Variants in CENPC observed in about 807,000 individuals in gnomAD.
CENPC encodes the protein CENP-C 1.
A neutral mutation model predicts 112.1 loss-of-function variants in CENPC; 63 were observed. The ratio of observed to expected loss-of-function variants is 0.56; its 90% CI spans 0.46 to 0.69. The LOEUF is 0.69. Among genes scored for constraint, CENPC ranks in the 30% least tolerant of loss-of-function variants. The probability of loss-of-function intolerance (pLI) is 0.00; values close to 1 mark genes in which losing one functional copy is unlikely to be tolerated. For missense variants in CENPC, 1,000 were observed against 1,103.8 expected (o/e 0.91, Z 1.33); for synonymous variants, 333 against 367.6 (o/e 0.91, Z 1.08).
rs576181023 is a variant in CENPC, at chr4:67,514,452, T to C, written c.1066A>G (p.Lys356Glu). 2 of 1,613,584 alleles carry C rather than the reference T, an allele frequency of 1.2e-6. No homozygotes were observed. Among genetic ancestry groups the C allele is most frequent in the South Asian group, 2.2e-5 (2 of 91,060 alleles). ...GAATGTTTGTCATTTGCCAAAGTCT[T>C]AGGTAATATATTATGATGCTTTTCT... The part of the protein sequence containing the change: ...SREKHHNILP[K>E]TLANDKHSHK... The change falls in exon 8 of 19, where the codon AAG (lysine) becomes GAG (glutamate). Residue 356 changes from lysine to glutamate, a missense_variant. By Grantham distance (56) the Lys-to-Glu change is moderately conservative (BLOSUM62 1). Coordinates refer to ENST00000273853, the MANE Select transcript of CENPC (RefSeq NM_001812.4).
chr4:67,494,896 T>C (rs1196787367), intron 13 of CENPC, among the ~76,000 whole-genome samples: 1 of 152,164 alleles, frequency 6.6e-6, no homozygotes, highest in Non-Finnish European at 1.5e-5. Flanking sequence ...CCTAGCTTCA[T>C]AGCTAAGGGA....
rs2109753669 is a variant in CENPC at position 67,471,375 on chromosome 4, G to A, written c.*1230C>T. On this transcript the variant is annotated 3_prime_UTR_variant, in exon 19 of 19. Coordinates refer to ENST00000273853, the MANE Select transcript of CENPC (RefSeq NM_001812.4). ...TACAATATGCTACCTAAAATGTCCA[G>A]CTGTCAACCAAAAATTATTAGACAT... The A allele has an allele frequency of 6.6e-6, 1 of 152,048 alleles. No homozygotes were observed. Among genetic ancestry groups the A allele is most frequent in the East Asian group, 1.9e-4 (1 of 5,178 alleles). The allele number at this position is 152,048 out of a possible 1,614,324, so 9.4% of individuals were successfully genotyped here. A position where few individuals can be genotyped will look rare whatever the true frequency, so the allele number is the denominator to read the frequency against.
chr4:67,518,253 T>A lies in CENPC; in HGVS notation c.733A>T (p.Asn245Tyr), dbSNP rs759557090. The A allele has an allele frequency of 3.8e-6, 6 of 1,561,640 alleles. No homozygotes were observed. The Admixed American group carries it at 1.2e-4, about 30-fold the overall frequency. ...QERKPSGSSQ[N>Y]RIRDSEYEIQ... ...TCATATTCTGAATCTCGTATTCTAT[T>A]CTGAGATGATCCTGATGGTTTTCTT... is the stretch of plus-strand genomic sequence containing the variant. Residue 245 changes from asparagine to tyrosine, a missense_variant, in exon 7 of 19, where the codon AAT becomes TAT. Asn to Tyr is a moderately radical substitution (Grantham distance 143). Transcript: ENST00000273853.
chr4:67,532,827 C>T (rs188015802), intron 4 of CENPC, among the ~76,000 whole-genome samples: 56 of 152,274 alleles, frequency 3.7e-4, no homozygotes, highest in African/African-American at 1.3e-3. Flanking sequence ...AGCACACCAA[C>T]ATGGCACATG....
chr4:67,536,248 T>C (rs77971541), intron 4 of CENPC, among the ~76,000 whole-genome samples: 1,755 of 152,180 alleles, frequency 0.012, 14 homozygotes, highest in Middle Eastern at 0.017. Flanking sequence ...AAGAAAATTA[T>C]AAAATGTCAA....
chr4:67,539,976 T>A, intron 3 of CENPC, 42 bp from the exon 4 acceptor site: 1 of 1,002,082 alleles, frequency 1.0e-6, no homozygotes, highest in South Asian at 1.7e-5. Flanking sequence ...AGATATAGTG[T>A]AATATCTATT....
At chr4:67,494,338 T>C (rs1725372282) in intron 13 of CENPC, among the ~76,000 whole-genome samples, 1 of 152,212 alleles carries the variant, frequency 6.6e-6, no homozygotes, top group African/African-American at 2.4e-5. Context: ...GCTAAAGCTA[T>C]GCTGAAGCTA....
intron 4 of CENPC, among the ~76,000 whole-genome samples, chr4:67,536,306 G>A (rs986667701): frequency 2.0e-5 from 3 of 152,100 alleles, no homozygotes; most frequent in African/African-American, 7.2e-5. Context: ...TGAATAAAGT[G>A]GTAATCACAC....
chr4:67,470,951 A>G lies in CENPC; in HGVS notation c.*1654T>C. The G allele has an allele frequency of 6.6e-6, 1 of 152,424 alleles. No individual in the cohort carries two copies. The highest frequency in any genetic ancestry group is 2.4e-5 in the African/African-American group (1 of 41,576). The allele number at this position is 152,424 out of a possible 1,614,324, so 9.4% of individuals were successfully genotyped here. A position where few individuals can be genotyped will look rare whatever the true frequency, so the allele number is the denominator to read the frequency against. On this transcript the variant is annotated 3_prime_UTR_variant, in exon 19 of 19. Transcript: ENST00000273853. Reference sequence around the variant, plus strand: ...CAGAAGGGCAGAAAAGGGTAACATGAGCTCTCCAAACATCTTTGGCAAACT... The same window carrying G: ...CAGAAGGGCAGAAAAGGGTAACATGGGCTCTCCAAACATCTTTGGCAAACT...
intron 17 of CENPC, among the ~76,000 whole-genome samples, chr4:67,477,091 G>A (rs910461926): frequency 1.3e-5 from 2 of 152,114 alleles, no homozygotes; most frequent in Non-Finnish European, 2.9e-5. Flanking sequence ...TAACTGCCCT[G>A]TAGCCTAAGA....
intron 4 of CENPC, among the ~76,000 whole-genome samples, chr4:67,531,839 G>T (rs965368625): frequency 1.3e-5 from 2 of 152,082 alleles, no homozygotes; most frequent in Admixed American, 6.6e-5. Flanking sequence ...ACTATAATAA[G>T]TATCAGTCAT....
chr4:67,507,391 T>A (rs917980236), intron 10 of CENPC, among the ~76,000 whole-genome samples: 2 of 152,154 alleles, frequency 1.3e-5, no homozygotes, highest in Admixed American at 1.3e-4. Context: ...GATACACTCT[T>A]CCTAGTGACT....
intron 8 of CENPC, among the ~76,000 whole-genome samples, chr4:67,513,606 C>T (rs1725960736): frequency 6.6e-6 from 1 of 152,226 alleles, no homozygotes; most frequent in Admixed American, 6.5e-5. Context: ...CCAGAATGAT[C>T]TTGTTAACAG....
chr4:67,499,844 G>A (rs931135557), intron 12 of CENPC, among the ~76,000 whole-genome samples: 11 of 152,138 alleles, frequency 7.2e-5, no homozygotes, highest in Non-Finnish European at 1.2e-4. Flanking sequence ...AGTGAAAAAT[G>A]TGTGACTCTT....
intron 12 of CENPC, among the ~76,000 whole-genome samples, chr4:67,496,012 G>T (rs1463370015): frequency 6.6e-6 from 1 of 152,094 alleles, no homozygotes; most frequent in Admixed American, 6.6e-5. Context: ...GATGTTCTGG[G>T]GCTTAAAAGG....
chr4:67,544,600 G>T (rs549899042), intron 1 of CENPC, among the ~76,000 whole-genome samples: 4 of 152,262 alleles, frequency 2.6e-5, no homozygotes, highest in African/African-American at 9.6e-5. Flanking sequence ...AATTAGAAAA[G>T]AAATGATACG....
chr4:67,512,840 G>GA lies in CENPC; in HGVS notation c.1445-272dup, dbSNP rs981830373. Among the ~76,000 whole-genome samples, 8 of 149,876 alleles carry GA rather than the reference G, an allele frequency of 5.3e-5. No individual in the cohort carries two copies. In the East Asian group the frequency reaches 5.8e-4, roughly 11 times the overall value. ...AAAAAAATAAGTATCTTCTGAAACT[G>GA]AAAAAAAAATACAGTTCCTTCCTAT... On this transcript the variant is annotated intron_variant, in intron 8 of 18. Transcript: ENST00000273853.
intron 16 of CENPC, among the ~76,000 whole-genome samples, chr4:67,491,446 C>CATATATATATAT (rs58687245): frequency 2.7e-4 from 10 of 36,578 alleles, no homozygotes; most frequent in East Asian, 2.4e-3. Context: ...TTAAATATTT[C>CATATATATATAT]ATATATATAT....
At chr4:67,473,484 G>A (rs1724723865) in intron 18 of CENPC, among the ~76,000 whole-genome samples, 1 of 152,026 alleles carries the variant, frequency 6.6e-6, no homozygotes, top group African/African-American at 2.4e-5. Context: ...ATAAAAGCAG[G>A]GATTTTTGCC....
Sources: gnomAD v4.1 joint callset for allele counts (sites outside exome capture counted in the v4.1 genomes callset) on GRCh38, gnomAD v4.1.1 for gene constraint, MANE v1.5 for transcripts, NCBI Gene and HGNC (gene_info 2026-07-23, HGNC 2026-07-21) for gene names.